WDR72: variants seen among roughly 807,000 people sequenced by gnomAD.
WDR72 encodes WD repeat-containing protein 72.
Under a neutral mutation model 124.2 loss-of-function variants are expected in WDR72, and 120 were observed. The observed-to-expected ratio is 0.97, with a 90% CI of 0.83 to 1.12. The LOEUF (loss-of-function observed/expected upper bound fraction) is 1.12. Among genes scored for constraint, WDR72 ranks in the 50% most tolerant of loss-of-function variants. The pLI is 0.00. For synonymous variants in WDR72, 452 were observed against 441.7 expected, an observed-to-expected ratio of 1.02 and a Z score of -0.29; for missense variants, 1,387 against 1,278.8, an observed-to-expected ratio of 1.08 and a Z score of -1.29.
intron 14 of WDR72, among the ~76,000 whole-genome samples, chr15:53,648,802 C>T (rs1212444562): frequency 6.6e-6 from 1 of 151,940 alleles, no homozygotes; most frequent in African/African-American, 2.4e-5. Context: ...AACATGAGTT[C>T]TTTCAAACAA....
chr15:53,737,404 T>A (rs1011313363), intron 1 of WDR72, among the ~76,000 whole-genome samples: 1 of 152,140 alleles, frequency 6.6e-6, no homozygotes, highest in African/African-American at 2.4e-5. Context: ...TTAGAATATA[T>A]CCTACTATAT....
intron 1 of WDR72, among the ~76,000 whole-genome samples, chr15:53,742,206 G>T (rs901491423): frequency 6.6e-6 from 1 of 152,150 alleles, no homozygotes; most frequent in Non-Finnish European, 1.5e-5. Context: ...GTAGTGTCTT[G>T]CTATCAATAG....
intron 13 of WDR72, among the ~76,000 whole-genome samples, chr15:53,695,136 C>T (rs28488213): frequency 0.013 from 1,988 of 152,240 alleles, 38 homozygotes; most frequent in African/African-American, 0.046. Flanking sequence ...TTTAAGCAAA[C>T]AAGGTTTCAT....
Position 53,517,519 on chromosome 15 carries a change from T to A in WDR72, c.*180A>T, listed in dbSNP as rs1464876987. The A allele has an allele frequency of 1.5e-6, 1 of 663,854 alleles. No homozygotes were observed. The highest frequency in any genetic ancestry group is 2.2e-5 in the Admixed American group (1 of 46,242). The allele number at this position is 663,854 out of a possible 1,614,324, so 41.1% of individuals were successfully genotyped here. On this transcript the variant is annotated 3_prime_UTR_variant, in exon 20 of 20. Transcript: ENST00000360509. The stretch of plus-strand genomic sequence containing the variant: ...TATGAATATTTTCAATCAGTATGTA[T>A]TGCATTGTAATCAGCATGTATTAAA...
intron 1 of WDR72, among the ~76,000 whole-genome samples, chr15:53,746,543 T>A (rs922509217): frequency 4.6e-5 from 7 of 152,128 alleles, no homozygotes; most frequent in African/African-American, 1.7e-4. Flanking sequence ...TGAGATAAAA[T>A]AGGCCTGGGT....
chr15:53,740,245 A>G (rs2018471077), intron 1 of WDR72, among the ~76,000 whole-genome samples: 2 of 152,102 alleles, frequency 1.3e-5, no homozygotes, highest in Non-Finnish European at 2.9e-5. Flanking sequence ...TTACTTACGT[A>G]GCATATTGCC....
chr15:53,624,771 A>C (rs1201446754), intron 14 of WDR72, among the ~76,000 whole-genome samples: 1 of 152,246 alleles, frequency 6.6e-6, no homozygotes, highest in Admixed American at 6.5e-5. Context: ...ATTATTAAAC[A>C]TAATTCCAGC....
intron 1 of WDR72, among the ~76,000 whole-genome samples, chr15:53,753,058 C>A (rs2018812558): frequency 6.6e-6 from 1 of 152,176 alleles, no homozygotes; most frequent in Non-Finnish European, 1.5e-5. Flanking sequence ...CAACAGCAAA[C>A]CAAGTTTCAT....
intron 1 of WDR72, among the ~76,000 whole-genome samples, chr15:53,756,141 A>T (rs575037934): frequency 1.3e-5 from 2 of 152,206 alleles, no homozygotes; most frequent in East Asian, 3.9e-4. Context: ...CATAATCCCC[A>T]CATGTGGTGG....
chr15:53,712,091 C>A (rs1290813303), intron 7 of WDR72, among the ~76,000 whole-genome samples: 1 of 152,070 alleles, frequency 6.6e-6, no homozygotes, highest in African/African-American at 2.4e-5. Flanking sequence ...TATAATCAAA[C>A]TATGTAGGTG....
In WDR72 at chr15:53,515,064, T is replaced by TAC. The variant is rs1322594167; in HGVS notation, c.*2633_*2634dup. 1.7e-5 allele frequency: 2 copies of TAC among 116,176 alleles called. No homozygotes were observed. The highest frequency in any genetic ancestry group is 2.9e-5 in the African/African-American group (1 of 34,748). The allele number at this position is 116,176 out of a possible 1,614,324, so 7.2% of individuals were successfully genotyped here. ...GTGTATATATATGTGTGTATATATA[T>TAC]ACACACATATATATGTATGTATACA... On this transcript the variant is annotated 3_prime_UTR_variant, in exon 20 of 20. Coordinates refer to ENST00000360509, the MANE Select transcript of WDR72 (RefSeq NM_182758.4).
intron 18 of WDR72, among the ~76,000 whole-genome samples, chr15:53,528,088 T>C (rs1892226162): frequency 6.6e-6 from 1 of 152,078 alleles, no homozygotes; most frequent in South Asian, 2.1e-4. Flanking sequence ...GGAGGCATAA[T>C]CTATGAAAAG....
At chr15:53,681,164 A>G (rs996372827) in intron 13 of WDR72, among the ~76,000 whole-genome samples, 2 of 152,234 alleles carry the variant, frequency 1.3e-5, no homozygotes, top group Non-Finnish European at 2.9e-5. Flanking sequence ...CAGCCAAATC[A>G]GAGAACCTAC....
intron 18 of WDR72, among the ~76,000 whole-genome samples, chr15:53,552,883 C>T (rs1035982410): frequency 6.6e-6 from 1 of 152,034 alleles, no homozygotes; most frequent in Non-Finnish European, 1.5e-5. Context: ...CAGGGGCCAT[C>T]GGCATGGAAA....
intron 15 of WDR72, 124 bp from the exon 16 acceptor site, chr15:53,613,881 A>G (rs2013650990): frequency 3.1e-6 from 2 of 647,776 alleles, no homozygotes; most frequent in Non-Finnish European, 5.6e-6. Context: ...AATTATTTTT[A>G]GCAATATCTT....
rs1202413597 is a variant in WDR72, at chr15:53,515,992, T to A, written c.*1707A>T. On this transcript the variant is annotated 3_prime_UTR_variant, in exon 20 of 20. Transcript: ENST00000360509. ...AATGCTTTTGGGAGTCCTTATAATG[T>A]CCTTGACAACTGGTATACAACAAGC... 3.9e-5 allele frequency: 6 copies of A among 152,122 alleles called. No individual in the cohort carries two copies. The South Asian group carries it at 6.2e-4, about 16-fold the overall frequency. The allele number at this position is 152,122 out of a possible 1,614,324, so 9.4% of individuals were successfully genotyped here.
chr15:53,583,348 A>G (rs2012032425), intron 18 of WDR72, among the ~76,000 whole-genome samples: 1 of 152,088 alleles, frequency 6.6e-6, no homozygotes, highest in Admixed American at 6.6e-5. Flanking sequence ...TTGTTTTAGT[A>G]TCTAAAAATA....
intron 17 of WDR72, among the ~76,000 whole-genome samples, chr15:53,602,763 C>T (rs964326716): frequency 3.9e-5 from 6 of 151,968 alleles, no homozygotes; most frequent in Non-Finnish European, 7.4e-5. Context: ...TGGACACATG[C>T]ACCCTCAAAG....
At chr15:53,739,203 A>G (rs1180960707) in intron 1 of WDR72, among the ~76,000 whole-genome samples, 3 of 152,200 alleles carry the variant, frequency 2.0e-5, no homozygotes, top group Non-Finnish European at 4.4e-5. Context: ...AAGTAGGAAC[A>G]TAATGATTTT....
Sources: gnomAD v4.1 joint callset for allele counts (sites outside exome capture counted in the v4.1 genomes callset) on GRCh38, gnomAD v4.1.1 for gene constraint, MANE v1.5 for transcripts, NCBI Gene and HGNC (gene_info 2026-07-23, HGNC 2026-07-21) for gene names.